Variants in ARHGAP32 observed in about 807,000 individuals in gnomAD.
ARHGAP32 encodes rho GTPase-activating protein 32.
A neutral mutation model predicts 186.5 loss-of-function variants in ARHGAP32; 51 were observed. The observed-to-expected ratio is 0.27, with a 90% CI of 0.22 to 0.35. The LOEUF (loss-of-function observed/expected upper bound fraction) is 0.35, where lower values mean the gene tolerates loss of function less well. Ranked by LOEUF, ARHGAP32 falls within the 10% of genes least tolerant of loss-of-function variation. ARHGAP32 has a pLI of 1.00. For missense variants in ARHGAP32, 2,186 were observed against 2,623.5 expected (o/e 0.83, Z 3.64); for synonymous variants, 950 against 964.3 (o/e 0.99, Z 0.27).
chr11:129,088,501 A>G (rs557464452), intron 6 of ARHGAP32, among the ~76,000 whole-genome samples: 4 of 152,038 alleles, frequency 2.6e-5, no homozygotes, highest in Admixed American at 1.3e-4. Context: ...AATCACTTGA[A>G]CCTGTGAGTT....
At chr11:129,106,679 T>C (rs2135321752) in intron 5 of ARHGAP32, among the ~76,000 whole-genome samples, 1 of 152,080 alleles carries the variant, frequency 6.6e-6, no homozygotes, top group South Asian at 2.1e-4. Flanking sequence ...GAATCTAATA[T>C]AAAAGTTGAA....
chr11:129,108,313 T>A (rs1565426103), intron 5 of ARHGAP32, among the ~76,000 whole-genome samples: 1 of 152,174 alleles, frequency 6.6e-6, no homozygotes, highest in South Asian at 2.1e-4. Context: ...AAAAACTATA[T>A]TCCGTGTAGA....
rs370368295 is a variant in ARHGAP32, at chr11:129,098,342, A to G, written c.445-4635T>C. ...ATGATATGTAACTCCACTTTTTGTT[A>G]TCTAAATGATTTAAGAGACTAATAC... is the stretch of plus-strand genomic sequence containing the variant. On this transcript the variant is annotated intron_variant, in intron 5 of 22. Transcript: ENST00000682385. Among the ~76,000 whole-genome samples, 80 of 152,348 alleles carry G rather than the reference A, an allele frequency of 5.3e-4. 1 individual carries two copies. Among genetic ancestry groups the G allele is most frequent in the Admixed American group, 1.7e-3 (26 of 15,306 alleles).
chr11:129,003,910 T>C (rs1239082802), intron 11 of ARHGAP32, among the ~76,000 whole-genome samples: 2 of 152,128 alleles, frequency 1.3e-5, no homozygotes, highest in Non-Finnish European at 2.9e-5. Context: ...CTTTTTCTTC[T>C]ACTAATTTGG....
intron 2 of ARHGAP32, among the ~76,000 whole-genome samples, chr11:129,159,511 A>C (rs1279477721): frequency 1.3e-5 from 2 of 152,122 alleles, no homozygotes; most frequent in African/African-American, 4.8e-5. Context: ...ACACCTTCCT[A>C]AACTAGGAAG....
chr11:129,021,262 A>T (rs1254531748), intron 11 of ARHGAP32, among the ~76,000 whole-genome samples: 4 of 152,066 alleles, frequency 2.6e-5, no homozygotes, highest in Non-Finnish European at 5.9e-5. Context: ...AATCTTTTAG[A>T]CACAGAAGAG....
At chr11:129,056,718 G>C (rs988693081) in intron 10 of ARHGAP32, among the ~76,000 whole-genome samples, 2 of 152,144 alleles carry the variant, frequency 1.3e-5, no homozygotes, top group African/African-American at 4.8e-5. Context: ...CTGGAGTCCA[G>C]ATCACATGCC....
chr11:129,156,947 T>C (rs1459358969), intron 2 of ARHGAP32, among the ~76,000 whole-genome samples: 1 of 151,682 alleles, frequency 6.6e-6, no homozygotes, highest in Non-Finnish European at 1.5e-5. Flanking sequence ...GGGTCTGGAG[T>C]GGACATACAG....
chr11:129,209,590 C>A (rs1322010527), intron 1 of ARHGAP32, among the ~76,000 whole-genome samples: 1 of 151,402 alleles, frequency 6.6e-6, no homozygotes, highest in African/African-American at 2.4e-5. Flanking sequence ...AGACTGCAAA[C>A]GGAAAACACC....
At chr11:129,109,841 A>G (rs567116503) in intron 5 of ARHGAP32, among the ~76,000 whole-genome samples, 8 of 151,904 alleles carry the variant, frequency 5.3e-5, no homozygotes, top group Non-Finnish European at 1.2e-4. Flanking sequence ...AATTCCTTGT[A>G]TAACTCCCTT....
At chr11:129,124,737 G>T in intron 3 of ARHGAP32, 66 bp downstream of exon 3, 1 of 1,243,020 alleles carries the variant, frequency 8.0e-7, no homozygotes. Flanking sequence ...AAAGTTTTAA[G>T]AGAATTGAAG....
intron 11 of ARHGAP32, among the ~76,000 whole-genome samples, chr11:129,000,299 C>T (rs1946320265): frequency 6.6e-6 from 1 of 152,034 alleles, no homozygotes; most frequent in South Asian, 2.1e-4. Context: ...AAAGTAAATC[C>T]CTTAAAAATG....
chr11:129,193,597 A>T (rs1271985963), upstream of ARHGAP32, among the ~76,000 whole-genome samples: 3 of 33,998 alleles, frequency 8.8e-5, no homozygotes, highest in African/African-American at 3.6e-4. Flanking sequence ...AATATATGTT[A>T]TATATAATAT....
At chr11:129,061,869 T>C (rs1369707994) in intron 10 of ARHGAP32, among the ~76,000 whole-genome samples, 1 of 152,258 alleles carries the variant, frequency 6.6e-6, no homozygotes, top group Non-Finnish European at 1.5e-5. Flanking sequence ...TCTGTTGTTC[T>C]GTAATTAAAA....
At chr11:129,172,129 C>T (rs934069675) in intron 1 of ARHGAP32, among the ~76,000 whole-genome samples, 6 of 152,164 alleles carry the variant, frequency 3.9e-5, no homozygotes, top group African/African-American at 1.4e-4. Context: ...GACAACTTGA[C>T]TTCCTCTCTT....
intron 2 of ARHGAP32, among the ~76,000 whole-genome samples, chr11:129,141,563 T>C (rs1275466363): frequency 6.6e-6 from 1 of 151,320 alleles, no homozygotes; most frequent in Non-Finnish European, 1.5e-5. Flanking sequence ...ACAGCACATG[T>C]ATACCTATGT....
chr11:129,055,195 T>G (rs1417942573), intron 10 of ARHGAP32, among the ~76,000 whole-genome samples: 2 of 152,352 alleles, frequency 1.3e-5, no homozygotes, highest in African/African-American at 4.8e-5. Flanking sequence ...AACAGCACCC[T>G]TCAATACATT....
intron 1 of ARHGAP32, among the ~76,000 whole-genome samples, chr11:129,211,455 A>T (rs1238396577): frequency 1.3e-5 from 2 of 152,226 alleles, no homozygotes; most frequent in Non-Finnish European, 2.9e-5. Flanking sequence ...CTGCAGAATA[A>T]AATTGCTTCC....
intron 11 of ARHGAP32, among the ~76,000 whole-genome samples, chr11:129,008,542 G>A (rs778580336): frequency 5.3e-5 from 8 of 152,140 alleles, no homozygotes; most frequent in Non-Finnish European, 1.2e-4. Context: ...CAACCATCCT[G>A]GTTAGTCCAT....
Sources: allele counts gnomAD v4.1 joint callset (sites outside exome capture counted in the v4.1 genomes callset), GRCh38; gene constraint gnomAD v4.1.1; transcripts MANE v1.5; gene names NCBI Gene and HGNC (gene_info 2026-07-23, HGNC 2026-07-21).